The following TMEM132B variants were observed in gnomAD, a reference collection of about 807,000 sequenced individuals.
TMEM132B encodes the protein transmembrane protein 132B.
TMEM132B carries 18 observed loss-of-function variants against 90.8 expected under a neutral mutation model. That is an observed-to-expected ratio of 0.20 (90% CI 0.14 to 0.29). TMEM132B has a LOEUF of 0.29. TMEM132B is among the 10% of genes least tolerant of loss of function. TMEM132B has a pLI of 1.00. For synonymous variants in TMEM132B, 504 were observed against 523.3 expected (o/e 0.96, Z 0.50); for missense variants, 1,096 against 1,326.8 (o/e 0.83, Z 2.70).
At chr12:125,446,811 CAA>C (rs1349197228) in intron 3 of TMEM132B, among the ~76,000 whole-genome samples, 1 of 152,162 alleles carries the variant, frequency 6.6e-6, no homozygotes, top group African/African-American at 2.4e-5. Context: ...AACCAAGGCA[CAA>C]AGTCATTTAA....
At chr12:125,378,469 A>G (rs1419553746) in intron 2 of TMEM132B, among the ~76,000 whole-genome samples, 7 of 152,222 alleles carry the variant, frequency 4.6e-5, no homozygotes, top group South Asian at 4.1e-4. Context: ...TCTCTGGGCC[A>G]TCAAAGACTC....
intron 4 of TMEM132B, among the ~76,000 whole-genome samples, chr12:125,551,118 G>A (rs569026714): frequency 6.6e-6 from 1 of 152,352 alleles, no homozygotes; most frequent in Admixed American, 6.5e-5. Flanking sequence ...TGGCCCTGGA[G>A]CTGGTTTAAC....
chr12:125,541,259 C>A (rs1209440885), intron 4 of TMEM132B, among the ~76,000 whole-genome samples: 1 of 152,200 alleles, frequency 6.6e-6, no homozygotes, highest in Non-Finnish European at 1.5e-5. Flanking sequence ...AGAGAGTCCT[C>A]AACAAATATT....
chr12:125,534,869 T>A (rs892548572), intron 4 of TMEM132B, among the ~76,000 whole-genome samples: 1 of 152,174 alleles, frequency 6.6e-6, no homozygotes, highest in Non-Finnish European at 1.5e-5. Flanking sequence ...AAATTAAAAA[T>A]TCAGTTTCTC....
chr12:125,284,061 C>T (rs1875276465), intron 1 of TMEM132B, among the ~76,000 whole-genome samples: 1 of 152,204 alleles, frequency 6.6e-6, no homozygotes, highest in Admixed American at 6.5e-5. Flanking sequence ...CCAGGCTTGA[C>T]TGACAGCCCT....
Position 125,653,787 on chromosome 12 carries a change from A to G in TMEM132B, c.2329A>G (p.Thr777Ala), listed in dbSNP as rs1428756529. 6.2e-7 allele frequency: 1 copy of G among 1,614,212 alleles called. No homozygotes were observed. Residue 777 changes from threonine to alanine, a missense_variant, in exon 9 of 9, where the codon ACC becomes GCC. Thr to Ala is a moderately conservative substitution (Grantham distance 58). Transcript: ENST00000682704. ...GATGATAAGTGAACCTTGTCAGAAGACCAAGAGGAAGAGTGTTCTTGCCGT... is the reference window on the plus strand; with the variant it reads ...GATGATAAGTGAACCTTGTCAGAAGGCCAAGAGGAAGAGTGTTCTTGCCGT... ...EMMISEPCQK[T>A]KRKSVLAVGK...
chr12:125,282,027 C>CAAAAAAAAAAAAA (rs869083244), intron 1 of TMEM132B, among the ~76,000 whole-genome samples: 8 of 16,068 alleles, frequency 5.0e-4, no homozygotes, highest in Non-Finnish European at 7.9e-4. Flanking sequence ...GACTCCGTCT[C>CAAAAAAAAAAAAA]AAAAAAAAAA....
intron 5 of TMEM132B, among the ~76,000 whole-genome samples, chr12:125,590,888 T>A (rs1412178567): frequency 6.6e-6 from 1 of 152,156 alleles, no homozygotes; most frequent in East Asian, 1.9e-4. Flanking sequence ...GTAGCTCAAG[T>A]TCTAGTGGAT....
chr12:125,556,460 A>G (rs1433211642), intron 4 of TMEM132B, among the ~76,000 whole-genome samples: 2 of 152,198 alleles, frequency 1.3e-5, no homozygotes, highest in Non-Finnish European at 2.9e-5. Flanking sequence ...ACGGTGGTAT[A>G]TGATTAGAAG....
At chr12:125,394,518 AG>A (rs1214408943) in intron 2 of TMEM132B, among the ~76,000 whole-genome samples, 1 of 152,148 alleles carries the variant, frequency 6.6e-6, no homozygotes, top group Admixed American at 6.5e-5. Flanking sequence ...GTTGATCTGT[AG>A]GTTTCTGGTT....
chr12:125,299,405 G>A (rs921482174), intron 1 of TMEM132B, among the ~76,000 whole-genome samples: 3 of 152,010 alleles, frequency 2.0e-5, no homozygotes, highest in African/African-American at 4.8e-5. Flanking sequence ...CCTGACCTTC[G>A]GCATCTGGAA....
chr12:125,391,989 A>C (rs1879038361), intron 2 of TMEM132B, among the ~76,000 whole-genome samples: 1 of 151,822 alleles, frequency 6.6e-6, no homozygotes, highest in Non-Finnish European at 1.5e-5. Flanking sequence ...TGGTCTCCCA[A>C]CTCCTGAGCT....
intron 5 of TMEM132B, among the ~76,000 whole-genome samples, chr12:125,636,125 G>A (rs1392742740): frequency 6.6e-6 from 1 of 152,154 alleles, no homozygotes; most frequent in Non-Finnish European, 1.5e-5. Context: ...GTGCTCCCCT[G>A]AGTTTTGGTT....
At chr12:125,342,219 T>C (rs1877205890) in intron 1 of TMEM132B, among the ~76,000 whole-genome samples, 1 of 152,216 alleles carries the variant, frequency 6.6e-6, no homozygotes. Context: ...GAAGGAATTA[T>C]GGATCATCCT....
intron 5 of TMEM132B, among the ~76,000 whole-genome samples, chr12:125,639,845 G>A (rs1345134341): frequency 6.6e-6 from 1 of 152,232 alleles, no homozygotes; most frequent in African/African-American, 2.4e-5. Context: ...GCAGTCCTAT[G>A]TCATTTATAA....
At chr12:125,597,849 A>G (rs1267999979) in intron 5 of TMEM132B, among the ~76,000 whole-genome samples, 1 of 152,194 alleles carries the variant, frequency 6.6e-6, no homozygotes, top group Non-Finnish European at 1.5e-5. Context: ...TAGGTGTCCA[A>G]GGTCATGCAG....
At chr12:125,578,545 C>T (rs1334075011) in intron 4 of TMEM132B, among the ~76,000 whole-genome samples, 2 of 152,038 alleles carry the variant, frequency 1.3e-5, no homozygotes, top group Non-Finnish European at 2.9e-5. Flanking sequence ...GCTCTCTATA[C>T]CTTCATGTGT....
chr12:125,206,102 C>A (rs1362594961), intron 1 of TMEM132B, among the ~76,000 whole-genome samples: 2 of 152,176 alleles, frequency 1.3e-5, no homozygotes, highest in Admixed American at 1.3e-4. Flanking sequence ...AGCTAGGAGA[C>A]AGTGGTCCCA....
intron 1 of TMEM132B, among the ~76,000 whole-genome samples, chr12:125,249,300 G>A (rs919300100): frequency 5.3e-5 from 8 of 152,136 alleles, no homozygotes; most frequent in Non-Finnish European, 1.2e-4. Flanking sequence ...GGGGCCCGAG[G>A]ATTTGCATTT....
Sources: allele counts gnomAD v4.1 joint callset (sites outside exome capture counted in the v4.1 genomes callset), GRCh38; gene constraint gnomAD v4.1.1; transcripts MANE v1.5; gene names NCBI Gene and HGNC (gene_info 2026-07-23, HGNC 2026-07-21).